PRKG1: variants seen among roughly 807,000 people sequenced by gnomAD.
The protein encoded by PRKG1 is cGMP-dependent protein kinase 1.
Under a neutral mutation model 88.1 loss-of-function variants are expected in PRKG1, and 35 were observed. The observed-to-expected ratio is 0.40, with a 90% CI of 0.30 to 0.53. The LOEUF (loss-of-function observed/expected upper bound fraction) is 0.53. Ranked by LOEUF, PRKG1 falls within the 20% of genes least tolerant of loss-of-function variation. PRKG1 has a pLI of 0.59. For synonymous variants in PRKG1, 303 were observed against 292.5 expected (o/e 1.04, Z -0.37); for missense variants, 540 against 839.8 (o/e 0.64, Z 4.41).
At chr10:52,277,583 T>A (rs1841904115) in intron 12 of PRKG1, among the ~76,000 whole-genome samples, 1 of 152,086 alleles carries the variant, frequency 6.6e-6, no homozygotes, top group African/African-American at 2.4e-5. Context: ...ATTTTGCACA[T>A]GAGAACACAG....
chr10:51,730,466 T>C (rs961640913), intron 3 of PRKG1, among the ~76,000 whole-genome samples: 6 of 152,206 alleles, frequency 3.9e-5, no homozygotes, highest in Non-Finnish European at 5.9e-5. Flanking sequence ...TCATGTGAAG[T>C]GGGATGGGTG....
At chr10:51,231,054 T>A (rs564886962) in intron 2 of PRKG1, among the ~76,000 whole-genome samples, 6 of 152,278 alleles carry the variant, frequency 3.9e-5, no homozygotes, top group Non-Finnish European at 2.9e-5. Flanking sequence ...GTCAGCTAGG[T>A]TGGCTTCAGC....
At chr10:51,383,933 GT>G (rs1205565690) in intron 2 of PRKG1, among the ~76,000 whole-genome samples, 2 of 152,046 alleles carry the variant, frequency 1.3e-5, no homozygotes, top group African/African-American at 2.4e-5. Flanking sequence ...CTGTCTTATT[GT>G]AATCATCATC....
At chr10:51,685,503 C>T (rs1046007544) in intron 3 of PRKG1, among the ~76,000 whole-genome samples, 2 of 152,166 alleles carry the variant, frequency 1.3e-5, no homozygotes, top group Non-Finnish European at 2.9e-5. Flanking sequence ...TAACTCCACT[C>T]CCCCTAATCT....
At chr10:51,728,828 G>A (rs983416404) in intron 3 of PRKG1, among the ~76,000 whole-genome samples, 1 of 152,142 alleles carries the variant, frequency 6.6e-6, no homozygotes. Context: ...TTGCCAGTGT[G>A]TCACAAGTCA....
In PRKG1 at chr10:50,991,805, T is replaced by C. The variant is rs1164250731; in HGVS notation, c.266+161T>C. 6.6e-6 allele frequency among the ~76,000 whole-genome samples: 1 copy of C among 151,878 alleles called. No homozygotes were observed. The highest frequency in any genetic ancestry group is 1.5e-5 in the Non-Finnish European group (1 of 67,944). On this transcript the variant is annotated intron_variant, in intron 1 of 17. Coordinates refer to the PRKG1 transcript ENST00000401604. The surrounding 1 kb of genome is among the most constrained non-coding windows in gnomAD (Gnocchi z 4.5). ...CCGCGGCCCGGGAATGGGAAGTGTT[T>C]ATTTTTATTTCTGCCCATCACGTGC...
chr10:51,963,233 C>T (rs1843488586), intron 5 of PRKG1, among the ~76,000 whole-genome samples: 1 of 152,118 alleles, frequency 6.6e-6, no homozygotes, highest in South Asian at 2.1e-4. Flanking sequence ...TACATGGCAA[C>T]GAGGAGACCC....
At chr10:51,938,987 G>A (rs1236168448) in intron 5 of PRKG1, among the ~76,000 whole-genome samples, 1 of 151,942 alleles carries the variant, frequency 6.6e-6, no homozygotes, top group Non-Finnish European at 1.5e-5. Context: ...ACCCAGCAAG[G>A]AGAATGAATT....
intron 2 of PRKG1, among the ~76,000 whole-genome samples, chr10:51,298,241 A>T (rs999335434): frequency 1.3e-5 from 2 of 152,180 alleles, no homozygotes; most frequent in Non-Finnish European, 2.9e-5. Flanking sequence ...GAACCCACAC[A>T]ATCTAATTCA....
intron 10 of PRKG1, among the ~76,000 whole-genome samples, chr10:52,269,784 C>T (rs1233233642): frequency 1.3e-5 from 2 of 152,164 alleles, no homozygotes; most frequent in African/African-American, 4.8e-5. Context: ...AAGTAATTAG[C>T]TCTATTACCT....
chr10:52,174,938 T>A (rs1838821978), intron 9 of PRKG1, among the ~76,000 whole-genome samples: 1 of 152,086 alleles, frequency 6.6e-6, no homozygotes, highest in African/African-American at 2.4e-5. Flanking sequence ...TAATGTATAG[T>A]GATCTGATCA....
intron 4 of PRKG1, among the ~76,000 whole-genome samples, chr10:51,820,239 G>A (rs7917762): frequency 0.21 from 31,750 of 151,868 alleles, 5,305 homozygotes; most frequent in African/African-American, 0.46. Context: ...TGCAGCTTTA[G>A]TGTTGCTGAT....
chr10:52,173,199 C>T (rs1838758480), intron 9 of PRKG1, among the ~76,000 whole-genome samples: 1 of 152,136 alleles, frequency 6.6e-6, no homozygotes. Flanking sequence ...TAAAATATTG[C>T]TGTTAAGGTG....
intron 9 of PRKG1, among the ~76,000 whole-genome samples, chr10:52,166,279 G>A (rs1049132115): frequency 6.6e-6 from 1 of 151,880 alleles, no homozygotes; most frequent in African/African-American, 2.4e-5. Flanking sequence ...GCTTTATAAC[G>A]TGCACACCAA....
chr10:52,122,798 T>G (rs553896038), intron 7 of PRKG1, among the ~76,000 whole-genome samples: 1 of 152,314 alleles, frequency 6.6e-6, no homozygotes, highest in African/African-American at 2.4e-5. Context: ...GAATATTATC[T>G]GTAATGACTA....
chr10:51,346,955 TG>T (rs1216921528), intron 2 of PRKG1, among the ~76,000 whole-genome samples: 1 of 152,164 alleles, frequency 6.6e-6, no homozygotes, highest in Non-Finnish European at 1.5e-5. Context: ...AGACATAGAA[TG>T]GGCTTCAAAG....
chr10:51,318,869 T>C (rs1335527160), intron 2 of PRKG1, among the ~76,000 whole-genome samples: 2 of 152,232 alleles, frequency 1.3e-5, no homozygotes, highest in Non-Finnish European at 2.9e-5. Context: ...TTTCTTCCCT[T>C]CATTTTGTTG....
intron 9 of PRKG1, among the ~76,000 whole-genome samples, chr10:52,165,895 T>C (rs1306959637): frequency 2.6e-5 from 4 of 152,148 alleles, no homozygotes; most frequent in Non-Finnish European, 5.9e-5. Flanking sequence ...TCTAGGAAGA[T>C]TGGCTTGAGA....
At chr10:51,397,691 G>T (rs1694751019) in intron 2 of PRKG1, among the ~76,000 whole-genome samples, 1 of 96,410 alleles carries the variant, frequency 1.0e-5, no homozygotes, top group Non-Finnish European at 2.6e-5. Flanking sequence ...ATGGGATTCT[G>T]GCAGTGGAAA....
Sources: gnomAD v4.1 joint callset for allele counts (sites outside exome capture counted in the v4.1 genomes callset) on GRCh38, gnomAD v4.1.1 for gene constraint, Gnocchi (gnomAD v3.1) non-coding constraint, MANE v1.5 for transcripts, NCBI Gene and HGNC (gene_info 2026-07-23, HGNC 2026-07-21) for gene names.